Variants in PRDM1 observed in about 807,000 individuals in gnomAD.
The protein encoded by PRDM1 is PR domain zinc finger protein 1.
PRDM1 carries 13 observed loss-of-function variants against 62.8 expected under a neutral mutation model. The ratio of observed to expected loss-of-function variants is 0.21; its 90% CI spans 0.13 to 0.33. PRDM1 has a LOEUF of 0.33. PRDM1 is among the 10% of genes least tolerant of loss of function. The probability of loss-of-function intolerance (pLI) is 1.00; values close to 1 mark genes in which losing one functional copy is unlikely to be tolerated. For synonymous variants in PRDM1, 396 were observed against 417.6 expected, an observed-to-expected ratio of 0.95 and a Z score of 0.63; for missense variants, 895 against 1,058.8, an observed-to-expected ratio of 0.85 and a Z score of 2.15.
rs570562330 is a variant in PRDM1 at position 106,003,688 on chromosome 6, C to G, written c.-67+10049C>G. 9.2e-5 allele frequency among the ~76,000 whole-genome samples: 14 copies of G among 152,202 alleles called. No individual in the cohort carries two copies. The East Asian group carries it at 2.1e-3, about 23-fold the overall frequency. ...TTTGACCACTTAGGAAGAAGGCCTC[C>G]TAGTAATGCATGTGCTTTTTATTCC... On this transcript the variant is annotated intron_variant, in intron 1 of 6. Coordinates refer to the PRDM1 transcript ENST00000652320.
chr6:105,994,425 G>C lies in PRDM1; in HGVS notation c.-67+786G>C, dbSNP rs991011318. Among the ~76,000 whole-genome samples the C allele has an allele frequency of 2.6e-5, 4 of 151,718 alleles. No homozygotes were observed. Among genetic ancestry groups the C allele is most frequent in the Admixed American group, 2.0e-4 (3 of 15,258 alleles). On this transcript the variant is annotated intron_variant, in intron 1 of 6. Coordinates refer to the PRDM1 transcript ENST00000652320. This position sits in a 1 kb window ranked among gnomAD's most constrained non-coding sequence, Gnocchi z 4.1. ...TACAGCGACGCTTCCGCTGGAAGAC[G>C]AGCGGGGACGCGTGACAGCGCGGGG...
At chr6:106,015,355 T>G (rs535860175) in intron 1 of PRDM1, among the ~76,000 whole-genome samples, 2 of 152,240 alleles carry the variant, frequency 1.3e-5, no homozygotes, top group Non-Finnish European at 2.9e-5. Context: ...AAAGTGCTAC[T>G]TGGGCAAAGA....
Position 106,104,890 on chromosome 6 carries a change from C to T in PRDM1, c.730C>T (p.Pro244Ser). The T allele has an allele frequency of 6.2e-7, 1 of 1,613,988 alleles. No homozygotes were observed. The highest frequency in any genetic ancestry group is 8.5e-7 in the Non-Finnish European group (1 of 1,179,978). Residue 244 changes from proline (P) to serine (S), a missense_variant, in exon 5 of 7, where the codon CCA becomes TCA. Pro to Ser is a moderately conservative substitution (Grantham distance 74). Coordinates refer to ENST00000369096, the MANE Select transcript of PRDM1 (RefSeq NM_001198.4). ...AAATGAACTCTGCCCAAAGAATGTC[C>T]CAAAGAGAGAGTACAGCGTGAAAGA... Reference protein sequence around the residue: ...EKNELCPKNVPKREYSVKEIL... With the variant: ...EKNELCPKNVSKREYSVKEIL...
At chr6:106,080,443 C>T (rs1031902380) in intron 1 of PRDM1, among the ~76,000 whole-genome samples, 1 of 152,128 alleles carries the variant, frequency 6.6e-6, no homozygotes, top group Non-Finnish European at 1.5e-5. Context: ...CCTTCTCCTC[C>T]CCTCAATCTA....
chr6:106,098,300 G>A, intron 3 of PRDM1: 1 of 985,328 alleles, frequency 1.0e-6, no homozygotes, highest in Non-Finnish European at 1.2e-6. Flanking sequence ...AAAACTTTGT[G>A]TGGAAGGATA....
At chr6:106,074,829 C>G (rs1286731361) in intron 1 of PRDM1, among the ~76,000 whole-genome samples, 1 of 152,140 alleles carries the variant, frequency 6.6e-6, no homozygotes, top group African/African-American at 2.4e-5. Flanking sequence ...ACAAAATTAG[C>G]CAGGCATAGT....
chr6:106,055,999 A>C (rs545868435), intron 1 of PRDM1, among the ~76,000 whole-genome samples: 1 of 151,752 alleles, frequency 6.6e-6, no homozygotes, highest in Non-Finnish European at 1.5e-5. Context: ...CTCATTCTTA[A>C]GAACAATTTT....
At chr6:106,082,558 A>G (rs1052188427), upstream of PRDM1, among the ~76,000 whole-genome samples, 12 of 152,218 alleles carry the variant, frequency 7.9e-5, no homozygotes, top group Admixed American at 5.2e-4. Flanking sequence ...ACTTAGATGT[A>G]ATGATACAGG....
chr6:106,053,581 G>A (rs538227479), intron 1 of PRDM1, among the ~76,000 whole-genome samples: 1 of 151,496 alleles, frequency 6.6e-6, no homozygotes, highest in African/African-American at 2.4e-5. Flanking sequence ...CATAAGTATT[G>A]TATTGTATCC....
chr6:106,064,513 T>C (rs141488321), intron 1 of PRDM1, among the ~76,000 whole-genome samples: 2 of 152,240 alleles, frequency 1.3e-5, no homozygotes, highest in African/African-American at 4.8e-5. Context: ...TCTACTCCTA[T>C]GTGAAAGGGG....
intron 1 of PRDM1, among the ~76,000 whole-genome samples, chr6:106,067,806 T>C (rs1312762852): frequency 6.6e-6 from 1 of 152,186 alleles, no homozygotes; most frequent in African/African-American, 2.4e-5. Context: ...GATGGTTGCA[T>C]AACAGTGTAA....
At position 106,106,210 on chromosome 6, in the gene PRDM1, T is replaced by G. The variant is rs1191315600; in HGVS notation, c.1774-161T>G. Among the ~76,000 whole-genome samples the G allele has an allele frequency of 6.6e-6, 1 of 152,248 alleles. No homozygotes were observed. Among genetic ancestry groups the G allele is most frequent in the Non-Finnish European group, 1.5e-5 (1 of 68,044 alleles). On this transcript the variant is annotated intron_variant, in intron 5 of 6. Transcript: ENST00000369096. This position sits in a 1 kb window ranked among gnomAD's most constrained non-coding sequence, Gnocchi z 4.4. ...CTGCTAGCCTGTGATTTTTGTGCTT[T>G]TAAGAAAAACACCATTCTGAAAACA...
chr6:106,056,212 C>T lies in PRDM1; in HGVS notation c.-67+7498C>T, dbSNP rs570295865. ...GTATAGCCCAGCAGGACTTGGGCTA[C>T]TGGCCTTCCCACTCTGTTGTCCTGC... On this transcript the variant is annotated intron_variant, in intron 1 of 6. Transcript: ENST00000651185. Among the ~76,000 whole-genome samples the T allele has an allele frequency of 1.2e-3, 176 of 152,306 alleles. 1 individual carries two copies. Among genetic ancestry groups the T allele is most frequent in the African/African-American group, 4.1e-3 (169 of 41,580 alleles).
intron 1 of PRDM1, among the ~76,000 whole-genome samples, chr6:106,022,366 C>T (rs963120339): frequency 6.6e-6 from 1 of 152,082 alleles, no homozygotes; most frequent in African/African-American, 2.4e-5. Context: ...AGGTGATTCC[C>T]CTGCCTTAGC....
chr6:106,077,876 C>T (rs1773628128), intron 1 of PRDM1, among the ~76,000 whole-genome samples: 1 of 152,206 alleles, frequency 6.6e-6, no homozygotes, highest in Non-Finnish European at 1.5e-5. Flanking sequence ...CACAGAACAT[C>T]AAGACAAATG....
At chr6:106,086,644 C>A in intron 1 of PRDM1, 49 bp downstream of exon 1, 1 of 1,458,074 alleles carries the variant, frequency 6.9e-7, no homozygotes, top group South Asian at 1.2e-5. Context: ...GATCTGAAAA[C>A]TTTATTTTCT....
chr6:106,055,474 G>A (rs1448164480), intron 1 of PRDM1, among the ~76,000 whole-genome samples: 2 of 152,126 alleles, frequency 1.3e-5, no homozygotes, highest in Non-Finnish European at 2.9e-5. Context: ...TTACTTGTTA[G>A]AACACTTTAA....
chr6:106,077,159 A>G (rs76443942), intron 1 of PRDM1, among the ~76,000 whole-genome samples: 1 of 152,176 alleles, frequency 6.6e-6, no homozygotes, highest in Non-Finnish European at 1.5e-5. Flanking sequence ...CAGCAGTCTT[A>G]TTTTCTCTAG....
intron 1 of PRDM1, among the ~76,000 whole-genome samples, chr6:106,009,530 G>C (rs1772520128): frequency 6.6e-6 from 1 of 152,040 alleles, no homozygotes; most frequent in Admixed American, 6.5e-5. Context: ...TATAGTAAAG[G>C]GGGGAAAGGG....
Sources: allele counts gnomAD v4.1 joint callset (sites outside exome capture counted in the v4.1 genomes callset), GRCh38; gene constraint gnomAD v4.1.1; non-coding constraint Gnocchi (gnomAD v3.1); transcripts MANE v1.5; gene names NCBI Gene and HGNC (gene_info 2026-07-23, HGNC 2026-07-21).